Variants in LRMDA observed in about 807,000 individuals in gnomAD.
LRMDA encodes leucine-rich melanocyte differentiation-associated protein.
A neutral mutation model predicts 29.8 loss-of-function variants in LRMDA; 18 were observed. The ratio of observed to expected loss-of-function variants is 0.60; its 90% CI spans 0.42 to 0.90. The LOEUF is 0.90. LRMDA is among the 40% of genes least tolerant of loss of function. LRMDA has a pLI of 0.00. For missense variants in LRMDA, 273 were observed against 273.9 expected (o/e 1.00, Z 0.02); for synonymous variants, 125 against 109.4 (o/e 1.14, Z -0.89).
At chr10:75,589,781 G>T (rs35645295) in intron 2 of LRMDA, among the ~76,000 whole-genome samples, 89,948 of 144,764 alleles carry the variant, frequency 0.62, 27,347 homozygotes, top group Non-Finnish European at 0.65. Flanking sequence ...TATATATAGA[G>T]AGAGAGAGAG....
chr10:75,644,158 A>C (rs1176785963), intron 2 of LRMDA, among the ~76,000 whole-genome samples: 2 of 152,204 alleles, frequency 1.3e-5, no homozygotes, highest in Admixed American at 1.3e-4. Context: ...GGATTAAGAT[A>C]GAATGGATGG....
chr10:76,081,553 C>T (rs1007609459), intron 5 of LRMDA, among the ~76,000 whole-genome samples: 6 of 152,198 alleles, frequency 3.9e-5, no homozygotes, highest in East Asian at 3.8e-4. Flanking sequence ...ATATGTTTTA[C>T]GTAACATGTT....
At chr10:75,689,517 C>T (rs755067088) in intron 2 of LRMDA, among the ~76,000 whole-genome samples, 1 of 152,104 alleles carries the variant, frequency 6.6e-6, no homozygotes, top group Admixed American at 6.5e-5. Context: ...GTTGGGGGAG[C>T]CAGCCTTTGC....
intron 2 of LRMDA, among the ~76,000 whole-genome samples, chr10:75,913,334 G>A (rs1845871163): frequency 6.6e-6 from 1 of 152,070 alleles, no homozygotes; most frequent in Non-Finnish European, 1.5e-5. Context: ...GCGCGAGCCT[G>A]TAGTCCCAGC....
intron 2 of LRMDA, among the ~76,000 whole-genome samples, chr10:75,860,316 T>G (rs1844904551): frequency 7.7e-6 from 1 of 129,996 alleles, no homozygotes; most frequent in Non-Finnish European, 1.6e-5. Flanking sequence ...TTCTGGTTTT[T>G]TTTTTTTTTT....
chr10:76,200,696 T>A (rs1589373566), intron 5 of LRMDA, among the ~76,000 whole-genome samples: 1 of 151,848 alleles, frequency 6.6e-6, no homozygotes, highest in African/African-American at 2.4e-5. Flanking sequence ...CACGTGTATA[T>A]TTTTTCTTTT....
At chr10:75,727,717 T>C (rs1842647209) in intron 2 of LRMDA, among the ~76,000 whole-genome samples, 1 of 152,246 alleles carries the variant, frequency 6.6e-6, no homozygotes, top group Non-Finnish European at 1.5e-5. Context: ...CCTCAGTTAA[T>C]TCCTTTTCTA....
At chr10:76,238,644 A>G (rs575570505) in intron 5 of LRMDA, among the ~76,000 whole-genome samples, 5 of 152,272 alleles carry the variant, frequency 3.3e-5, no homozygotes, top group Non-Finnish European at 7.3e-5. Flanking sequence ...CCCTAATTGG[A>G]TAAATAAAGC....
intron 2 of LRMDA, among the ~76,000 whole-genome samples, chr10:75,614,171 CTTACTTTCCTCTA>C (rs1841070103): frequency 6.6e-6 from 1 of 152,166 alleles, no homozygotes; most frequent in African/African-American, 2.4e-5. Flanking sequence ...TCTTCCCTCT[CTTACTTTCCTCTA>C]GCACCATCCT....
rs114149177 is a variant in LRMDA at position 75,591,236 on chromosome 10, C to A, written c.131+152742C>A. On this transcript the variant is annotated intron_variant, in intron 2 of 6. Transcript: ENST00000611255. Reference sequence around the variant, plus strand: ...AAAAACAAAATGAAGACTGCCCCCCCACCCCATAATCTGATGCAAATATGG... The same window carrying A: ...AAAAACAAAATGAAGACTGCCCCCCAACCCCATAATCTGATGCAAATATGG... Among the ~76,000 whole-genome samples the A allele has an allele frequency of 8.7e-3, 1,321 of 152,264 alleles. 25 individuals carry two copies. Among genetic ancestry groups the A allele is most frequent in the African/African-American group, 0.029 (1,218 of 41,530 alleles).
At chr10:76,477,202 G>A (rs982821917) in intron 6 of LRMDA, among the ~76,000 whole-genome samples, 7 of 152,096 alleles carry the variant, frequency 4.6e-5, no homozygotes, top group Admixed American at 4.6e-4. Context: ...CTTCAGCAAA[G>A]TCTCAGGATA....
At chr10:75,766,632 A>G (rs1843172230) in intron 2 of LRMDA, among the ~76,000 whole-genome samples, 1 of 151,880 alleles carries the variant, frequency 6.6e-6, no homozygotes, top group African/African-American at 2.4e-5. Context: ...ATTTTTTAAA[A>G]ATTTTAAATT....
intron 2 of LRMDA, among the ~76,000 whole-genome samples, chr10:75,911,036 T>G (rs2132376760): frequency 6.6e-6 from 1 of 152,140 alleles, no homozygotes; most frequent in South Asian, 2.1e-4. Context: ...AGGATGTGCA[T>G]TATTCTTTAC....
chr10:75,937,742 A>T (rs915895330), intron 2 of LRMDA, among the ~76,000 whole-genome samples: 1 of 152,218 alleles, frequency 6.6e-6, no homozygotes, highest in African/African-American at 2.4e-5. Context: ...GCGTGTAAGG[A>T]AAGAAGCCTC....
chr10:75,737,357 G>A (rs1387808211), intron 2 of LRMDA, among the ~76,000 whole-genome samples: 3 of 152,200 alleles, frequency 2.0e-5, no homozygotes, highest in African/African-American at 4.8e-5. Context: ...CATTCCCTGA[G>A]CCTTGTGGTT....
At chr10:75,966,653 G>A (rs1204577513) in intron 2 of LRMDA, among the ~76,000 whole-genome samples, 2 of 152,210 alleles carry the variant, frequency 1.3e-5, no homozygotes, top group Non-Finnish European at 2.9e-5. Context: ...CACCTGGCAT[G>A]GGCAACAGTG....
intron 2 of LRMDA, among the ~76,000 whole-genome samples, chr10:75,852,710 A>T (rs750824199): frequency 3.9e-5 from 6 of 152,050 alleles, no homozygotes; most frequent in Non-Finnish European, 7.4e-5. Context: ...AGAGAGATGG[A>T]TGGGCAGGCT....
intron 2 of LRMDA, among the ~76,000 whole-genome samples, chr10:75,475,977 T>G (rs1465164893): frequency 6.6e-6 from 1 of 152,242 alleles, no homozygotes; most frequent in Non-Finnish European, 1.5e-5. Context: ...CCGCCCTCCC[T>G]TCTTTCCCAC....
chr10:75,804,325 C>T (rs554977048), intron 2 of LRMDA, among the ~76,000 whole-genome samples: 2 of 152,290 alleles, frequency 1.3e-5, no homozygotes, highest in African/African-American at 4.8e-5. Context: ...GCGATGGAGT[C>T]GATAGCTCTC....
Sources: allele counts gnomAD v4.1 joint callset (sites outside exome capture counted in the v4.1 genomes callset), GRCh38; gene constraint gnomAD v4.1.1; transcripts MANE v1.5; gene names NCBI Gene and HGNC (gene_info 2026-07-23, HGNC 2026-07-21).